The following RSF1 variants were observed in gnomAD, a reference collection of about 807,000 sequenced individuals.
RSF1 encodes remodeling and spacing factor 1.
In RSF1, 13 loss-of-function variants were observed where a neutral mutation model predicts 145.2. The ratio of observed to expected loss-of-function variants is 0.09; its 90% CI spans 0.06 to 0.14. RSF1 has a LOEUF of 0.14. Ranked by LOEUF, RSF1 falls within the 10% of genes least tolerant of loss-of-function variation. RSF1 has a pLI of 1.00. For missense variants in RSF1, 1,517 were observed against 1,718.2 expected, an observed-to-expected ratio of 0.88 and a Z score of 2.07; for synonymous variants, 577 against 592.6, an observed-to-expected ratio of 0.97 and a Z score of 0.38.
Position 77,660,370 on chromosome 11 carries a change from T to C in RSF1, c.*6547A>G, listed in dbSNP as rs1454249610. The C allele has an allele frequency of 2.0e-5, 3 of 152,190 alleles. No individual in the cohort carries two copies. The highest frequency in any genetic ancestry group is 2.0e-4 in the Admixed American group (3 of 15,266). 9.4% of individuals were successfully genotyped at this position (152,190 alleles called of 1,614,324 possible). ...CTTTTAATGCACAATTTACTTTGCG[T>C]GTTATCAGAATTACATTTCCAGTTT... On this transcript the variant is annotated 3_prime_UTR_variant, in exon 16 of 16. Transcript: ENST00000308488.
chr11:77,735,449 G>C (rs1038263281), intron 4 of RSF1, among the ~76,000 whole-genome samples: 1 of 151,902 alleles, frequency 6.6e-6, no homozygotes, highest in African/African-American at 2.4e-5. Flanking sequence ...TCATTAAGAA[G>C]GCTGACTTAT....
chr11:77,766,579 GT>G (rs1389624396), intron 1 of RSF1, among the ~76,000 whole-genome samples: 1 of 152,114 alleles, frequency 6.6e-6, no homozygotes, highest in African/African-American at 2.4e-5. Context: ...ATTATGGGGG[GT>G]TAAGGGTGGA....
At chr11:77,673,386 G>A (rs187936268) in intron 14 of RSF1, among the ~76,000 whole-genome samples, 14 of 152,276 alleles carry the variant, frequency 9.2e-5, no homozygotes, top group African/African-American at 3.1e-4. Flanking sequence ...AAATTCCACC[G>A]AAGTACGACA....
intron 4 of RSF1, among the ~76,000 whole-genome samples, chr11:77,730,977 G>A (rs939306796): frequency 2.6e-5 from 4 of 152,174 alleles, no homozygotes; most frequent in Non-Finnish European, 4.4e-5. Context: ...GTGGGGCGTT[G>A]CTGAAAAGGT....
rs1399039281 is a variant in RSF1, at chr11:77,663,283, G to A, written c.*3634C>T. 6.6e-6 allele frequency: 1 copy of A among 152,046 alleles called. No individual in the cohort carries two copies. The highest frequency in any genetic ancestry group is 2.4e-5 in the African/African-American group (1 of 41,398). The allele number at this position is 152,046 out of a possible 1,614,324, so 9.4% of individuals were successfully genotyped here. On this transcript the variant is annotated 3_prime_UTR_variant, in exon 16 of 16. Transcript: ENST00000308488. ...CCTTGTGACAAAGGACACCCCACCAGTCCCACTTAAAAACAGCTAACATTT... is the reference window on the plus strand; with the variant it reads ...CCTTGTGACAAAGGACACCCCACCAATCCCACTTAAAAACAGCTAACATTT...
intron 2 of RSF1, among the ~76,000 whole-genome samples, chr11:77,753,646 G>C (rs1472780743): frequency 6.6e-6 from 1 of 152,196 alleles, no homozygotes; most frequent in African/African-American, 2.4e-5. Flanking sequence ...GTGCCCCAAG[G>C]TAACTCCTCT....
intron 1 of RSF1, among the ~76,000 whole-genome samples, chr11:77,787,881 G>C (rs58395847): frequency 0.17 from 25,578 of 148,712 alleles, 2,715 homozygotes; most frequent in African/African-American, 0.29. Flanking sequence ...TGTAATCCCA[G>C]CACTATGGGA....
intron 4 of RSF1, among the ~76,000 whole-genome samples, chr11:77,732,753 C>G (rs571579258): frequency 6.6e-6 from 1 of 152,328 alleles, no homozygotes; most frequent in Non-Finnish European, 1.5e-5. Flanking sequence ...AATTCTGAGG[C>G]CTGCCCAGCC....
intron 4 of RSF1, among the ~76,000 whole-genome samples, chr11:77,725,940 A>G (rs1961044464): frequency 6.6e-6 from 1 of 152,190 alleles, no homozygotes; most frequent in African/African-American, 2.4e-5. Flanking sequence ...AATGACAATG[A>G]ATATCTCTTG....
intron 4 of RSF1, among the ~76,000 whole-genome samples, chr11:77,729,126 G>A (rs1961133534): frequency 6.6e-6 from 1 of 152,116 alleles, no homozygotes; most frequent in Non-Finnish European, 1.5e-5. Flanking sequence ...AGCACCTGAT[G>A]GAATCTGGTA....
chr11:77,833,506 C>G, the RSF1 span, among the ~76,000 whole-genome samples: 16 of 151,896 alleles, frequency 1.1e-4, no homozygotes, highest in Non-Finnish European at 2.2e-4. Context: ...GTAATGTGAG[C>G]CACAGGAAGT....
chr11:77,856,926 G>A, the RSF1 span, among the ~76,000 whole-genome samples: 1 of 152,186 alleles, frequency 6.6e-6, no homozygotes, highest in Admixed American at 6.5e-5. Flanking sequence ...CAAGGTGGAA[G>A]CTCCCAAGAA....
intron 2 of RSF1, among the ~76,000 whole-genome samples, chr11:77,761,010 CTCCGCCTCCCTGCAACT>C (rs1323564325): frequency 6.6e-6 from 1 of 152,038 alleles, no homozygotes; most frequent in African/African-American, 2.4e-5. Context: ...TCACTGCAAC[CTCCGCCTCCCTGCAACT>C]TCCGCCTCCC....
intron 1 of RSF1, among the ~76,000 whole-genome samples, chr11:77,788,160 A>AAAAAAAAAAAAAAAAAAAAAAAG (rs1948477942): frequency 7.3e-6 from 1 of 137,186 alleles, no homozygotes; most frequent in African/African-American, 2.6e-5. Flanking sequence ...AAAAAAAAAA[A>AAAAAAAAAAAAAAAAAAAAAAAG]AAAAAAAAAA....
At chr11:77,709,134 T>A (rs1960619946) in intron 5 of RSF1, among the ~76,000 whole-genome samples, 1 of 152,170 alleles carries the variant, frequency 6.6e-6, no homozygotes, top group South Asian at 2.1e-4. Flanking sequence ...AAATCCTTTT[T>A]CTCTGGTATT....
chr11:77,832,991 GTGTGTGTATA>G, the RSF1 span, among the ~76,000 whole-genome samples: 1 of 32,866 alleles, frequency 3.0e-5, no homozygotes, highest in African/African-American at 2.0e-4. Context: ...GTGTGTGTGT[GTGTGTGTATA>G]TATATATATT....
chr11:77,852,052 AT>A, the RSF1 span, among the ~76,000 whole-genome samples: 1 of 151,702 alleles, frequency 6.6e-6, no homozygotes, highest in Non-Finnish European at 1.5e-5. Flanking sequence ...CCTTCTCATA[AT>A]TATTTTTACT....
intron 4 of RSF1, among the ~76,000 whole-genome samples, chr11:77,727,604 G>A (rs1239996858): frequency 6.6e-6 from 1 of 150,702 alleles, no homozygotes; most frequent in East Asian, 2.0e-4. Flanking sequence ...AGACTCCCGA[G>A]TAGCTGGGAT....
At chr11:77,839,597 A>G in the RSF1 span, among the ~76,000 whole-genome samples, 1 of 152,236 alleles carries the variant, frequency 6.6e-6, no homozygotes, top group African/African-American at 2.4e-5. Context: ...AGACTGGATA[A>G]AGAAAATATG....
Sources: allele counts gnomAD v4.1 joint callset (sites outside exome capture counted in the v4.1 genomes callset), GRCh38; gene constraint gnomAD v4.1.1; transcripts MANE v1.5; gene names NCBI Gene and HGNC (gene_info 2026-07-23, HGNC 2026-07-21).